KCNH1: variants seen among roughly 807,000 people sequenced by gnomAD.
The protein encoded by KCNH1 is potassium voltage-gated channel subfamily H member 1.
KCNH1 carries 27 observed loss-of-function variants against 69.2 expected under a neutral mutation model. That is an observed-to-expected ratio of 0.39 (90% CI 0.29 to 0.54). The LOEUF (loss-of-function observed/expected upper bound fraction) is 0.54. Ranked by LOEUF, KCNH1 falls within the 20% of genes least tolerant of loss-of-function variation. The pLI, the probability that KCNH1 is intolerant of heterozygous loss-of-function variation, is 0.68. For missense variants in KCNH1, 798 were observed against 1,261.6 expected (o/e 0.63, Z 5.57); for synonymous variants, 456 against 487.7 (o/e 0.93, Z 0.86).
At chr1:210,725,505 A>G (rs985007571) in intron 10 of KCNH1, among the ~76,000 whole-genome samples, 1 of 152,118 alleles carries the variant, frequency 6.6e-6, no homozygotes, top group African/African-American at 2.4e-5. Flanking sequence ...TAAATGATGG[A>G]CCTGCCTATG....
At chr1:211,075,551 T>C (rs1256763586) in intron 5 of KCNH1, among the ~76,000 whole-genome samples, 1 of 152,202 alleles carries the variant, frequency 6.6e-6, no homozygotes, top group Non-Finnish European at 1.5e-5. Context: ...GTCAAGAAGG[T>C]ATAATGCTTC....
At chr1:210,996,411 T>C (rs547268607) in intron 6 of KCNH1, among the ~76,000 whole-genome samples, 1 of 152,166 alleles carries the variant, frequency 6.6e-6, no homozygotes, top group African/African-American at 2.4e-5. Context: ...GAGATCAAAC[T>C]GCAAGGTGGC....
chr1:210,875,134 A>C (rs1686339568), intron 7 of KCNH1, among the ~76,000 whole-genome samples: 1 of 152,376 alleles, frequency 6.6e-6, no homozygotes, highest in Non-Finnish European at 1.5e-5. Flanking sequence ...GAAATACAGA[A>C]GCATTTGATA....
At chr1:211,044,860 T>A (rs975830874) in intron 5 of KCNH1, among the ~76,000 whole-genome samples, 1 of 151,694 alleles carries the variant, frequency 6.6e-6, no homozygotes, top group Non-Finnish European at 1.5e-5. Context: ...CTTAAAGAAC[T>A]AAAAGTAGAA....
chr1:210,999,703 C>T (rs1167371448), intron 6 of KCNH1, among the ~76,000 whole-genome samples: 1 of 152,132 alleles, frequency 6.6e-6, no homozygotes, highest in Non-Finnish European at 1.5e-5. Context: ...CTGGCAGAGA[C>T]ACAGCAACAA....
At chr1:210,858,273 T>A (rs1392313762) in intron 7 of KCNH1, 1 of 152,140 alleles carries the variant, frequency 6.6e-6, no homozygotes, top group East Asian at 1.9e-4. Flanking sequence ...GGTATTTAAA[T>A]ACTCACTTCT....
At chr1:210,805,831 T>A (rs1251474278) in intron 7 of KCNH1, among the ~76,000 whole-genome samples, 2 of 152,224 alleles carry the variant, frequency 1.3e-5, no homozygotes, top group African/African-American at 2.4e-5. Flanking sequence ...TAAAATCACA[T>A]AATATGCGGT....
At chr1:210,766,996 G>A (rs1028656369) in intron 10 of KCNH1, among the ~76,000 whole-genome samples, 5 of 152,196 alleles carry the variant, frequency 3.3e-5, no homozygotes, top group African/African-American at 9.6e-5. Context: ...GCAAAGGCTA[G>A]AATGAAAACC....
At chr1:210,905,688 C>T (rs17188679) in intron 7 of KCNH1, among the ~76,000 whole-genome samples, 5,975 of 152,070 alleles carry the variant, frequency 0.039, 174 homozygotes, top group Non-Finnish European at 0.055. Flanking sequence ...CCTACCCTCT[C>T]GGTGTTCCCA....
intron 10 of KCNH1, among the ~76,000 whole-genome samples, chr1:210,759,236 A>C (rs1683463278): frequency 6.6e-6 from 1 of 151,924 alleles, no homozygotes; most frequent in African/African-American, 2.4e-5. Flanking sequence ...GAACCAGTGC[A>C]AGAAGCACTG....
At chr1:210,798,204 T>G (rs904793890) in intron 8 of KCNH1, among the ~76,000 whole-genome samples, 1 of 151,930 alleles carries the variant, frequency 6.6e-6, no homozygotes, top group African/African-American at 2.4e-5. Context: ...CACACCCAGC[T>G]AATTTTTTGT....
chr1:210,991,908 T>C (rs577686868), intron 6 of KCNH1, among the ~76,000 whole-genome samples: 39 of 152,296 alleles, frequency 2.6e-4, no homozygotes, highest in Admixed American at 2.5e-3. Context: ...CCCCTTTTAG[T>C]CAAGGCTCCA....
At chr1:210,965,672 C>T (rs1320073763) in intron 6 of KCNH1, among the ~76,000 whole-genome samples, 1 of 152,116 alleles carries the variant, frequency 6.6e-6, no homozygotes. Context: ...ATACAACTTA[C>T]AAGGGATGTG....
Position 210,683,026 on chromosome 1 carries a change from A to C in KCNH1, c.*255T>G, listed in dbSNP as rs1304883510. On this transcript the variant is annotated 3_prime_UTR_variant, in exon 11 of 11. Coordinates refer to ENST00000271751, the MANE Select transcript of KCNH1 (RefSeq NM_172362.3). The surrounding 1 kb of genome is among the most constrained non-coding windows in gnomAD (Gnocchi z 5.7). ...TTAAAAATGAAGGAAAATACCCTTT[A>C]GACAGCATGTCCCTTCTTCCAAAAT... The C allele has an allele frequency of 2.0e-6, 1 of 509,900 alleles. No homozygotes were observed. 31.6% of individuals were successfully genotyped at this position (509,900 alleles called of 1,614,324 possible).
intron 6 of KCNH1, among the ~76,000 whole-genome samples, chr1:210,984,790 T>C (rs1366059703): frequency 1.3e-5 from 2 of 152,260 alleles, no homozygotes; most frequent in Non-Finnish European, 2.9e-5. Flanking sequence ...AGGATGATTC[T>C]GGTCTCATAA....
At chr1:211,067,700 G>A (rs114203558) in intron 5 of KCNH1, among the ~76,000 whole-genome samples, 1,774 of 152,254 alleles carry the variant, frequency 0.012, 17 homozygotes, top group Non-Finnish European at 0.018. Flanking sequence ...TCCCCTACCC[G>A]GTCTAAAGCC....
chr1:210,937,496 C>A (rs934375461), intron 6 of KCNH1, among the ~76,000 whole-genome samples: 1 of 152,188 alleles, frequency 6.6e-6, no homozygotes, highest in Non-Finnish European at 1.5e-5. Flanking sequence ...AATGGAGGAA[C>A]TATGCAAGAC....
At chr1:211,067,834 T>C (rs1397845546) in intron 5 of KCNH1, among the ~76,000 whole-genome samples, 1 of 152,128 alleles carries the variant, frequency 6.6e-6, no homozygotes, top group African/African-American at 2.4e-5. Flanking sequence ...TGGTTCTCAT[T>C]CCAGAGTCCA....
chr1:210,969,475 G>C (rs1244913751), intron 6 of KCNH1, among the ~76,000 whole-genome samples: 1 of 151,826 alleles, frequency 6.6e-6, no homozygotes, highest in Non-Finnish European at 1.5e-5. Flanking sequence ...AACAATTATA[G>C]GGCAATAAGT....
Sources: allele counts gnomAD v4.1 joint callset (sites outside exome capture counted in the v4.1 genomes callset), GRCh38; gene constraint gnomAD v4.1.1; non-coding constraint Gnocchi (gnomAD v3.1); transcripts MANE v1.5; gene names NCBI Gene and HGNC (gene_info 2026-07-23, HGNC 2026-07-21).